The following DGKB variants were observed in gnomAD, a reference collection of about 807,000 sequenced individuals.
The protein encoded by DGKB is 90 kDa diacylglycerol kinase.
In DGKB, 67 loss-of-function variants were observed where a neutral mutation model predicts 114.3. The observed-to-expected ratio is 0.59, with a 90% CI of 0.48 to 0.72. The LOEUF (loss-of-function observed/expected upper bound fraction) is 0.72. Ranked by LOEUF, DGKB falls within the 30% of genes least tolerant of loss-of-function variation. The probability of loss-of-function intolerance (pLI) is 0.00; values close to 1 mark genes in which losing one functional copy is unlikely to be tolerated. For synonymous variants in DGKB, 398 were observed against 323.1 expected (o/e 1.23, Z -2.49); for missense variants, 907 against 975.2 (o/e 0.93, Z 0.93).
At chr7:14,729,326 G>T (rs113681380) in intron 5 of DGKB, among the ~76,000 whole-genome samples, 3 of 151,404 alleles carry the variant, frequency 2.0e-5, no homozygotes, top group Non-Finnish European at 2.9e-5. Flanking sequence ...GTTTCACCGT[G>T]TTAGCCAGGA....
chr7:14,869,013 A>C (rs1223827425), intron 1 of DGKB, among the ~76,000 whole-genome samples: 2 of 152,128 alleles, frequency 1.3e-5, no homozygotes, highest in Non-Finnish European at 2.9e-5. Flanking sequence ...AAGATAGAAC[A>C]TTTTTTCAAA....
intron 21 of DGKB, among the ~76,000 whole-genome samples, chr7:14,433,614 T>A (rs1828807484): frequency 6.6e-6 from 1 of 152,160 alleles, no homozygotes; most frequent in Non-Finnish European, 1.5e-5. Flanking sequence ...CAGTTACTGT[T>A]TTGCAGAGTA....
chr7:14,731,111 C>T (rs6946625), intron 5 of DGKB, among the ~76,000 whole-genome samples: 114,712 of 152,046 alleles, frequency 0.75, 46,144 homozygotes, highest in Non-Finnish European at 0.91. Context: ...AGTGACGCAG[C>T]GGAAGGTGGG....
chr7:14,965,236 G>A (rs2115285538), intron 1 of DGKB, among the ~76,000 whole-genome samples: 1 of 152,220 alleles, frequency 6.6e-6, no homozygotes, highest in African/African-American at 2.4e-5. Context: ...TCATTTTAAA[G>A]ACATAGATTT....
intron 2 of DGKB, among the ~76,000 whole-genome samples, chr7:14,764,463 G>A (rs1290085963): frequency 6.6e-6 from 1 of 151,722 alleles, no homozygotes; most frequent in Admixed American, 6.6e-5. Context: ...ACTCAAACCT[G>A]GATCCATATC....
rs139115332 is a variant in DGKB at position 14,854,400 on chromosome 7, C to A, written c.-187-12950G>T. On this transcript the variant is annotated intron_variant, in intron 1 of 25. Transcript: ENST00000402815. The stretch of plus-strand genomic sequence containing the variant: ...TCAGCAGTCCCCAACCTTTTTGGCA[C>A]CAGGGACCGGTTTCGTGAAAGACAA... Among the ~76,000 whole-genome samples the A allele has an allele frequency of 4.9e-3, 746 of 152,222 alleles. 7 individuals are homozygous for A. Among genetic ancestry groups the A allele is most frequent in the African/African-American group, 0.017 (705 of 41,528 alleles).
chr7:14,584,171 C>T (rs975239325), intron 17 of DGKB, among the ~76,000 whole-genome samples: 2 of 152,104 alleles, frequency 1.3e-5, no homozygotes, highest in East Asian at 3.9e-4. Context: ...TCATGTGTTG[C>T]ATTCTGTCAG....
intron 23 of DGKB, chr7:14,269,153 G>T (rs188641868): frequency 6.6e-6 from 1 of 152,358 alleles, no homozygotes; most frequent in African/African-American, 2.4e-5. Flanking sequence ...CTTTTCTGTG[G>T]AGCTGCTTGA....
intron 25 of DGKB, 51 bp from the exon 26 acceptor site, chr7:14,149,289 T>C (rs1275155652): frequency 2.2e-6 from 3 of 1,351,462 alleles, no homozygotes; most frequent in East Asian, 2.3e-5. Context: ...AATCTCCAGA[T>C]AGATACAATA....
At chr7:14,417,985 A>G (rs73068026) in intron 21 of DGKB, among the ~76,000 whole-genome samples, 39,897 of 150,828 alleles carry the variant, frequency 0.26, 5,767 homozygotes, top group East Asian at 0.47. Flanking sequence ...AGTAAACTTG[A>G]GTTTGCTGAT....
At chr7:14,392,995 G>GTTTTGTTGTTTT (rs1554404749) in intron 21 of DGKB, among the ~76,000 whole-genome samples, 9 of 60,544 alleles carry the variant, frequency 1.5e-4, no homozygotes, top group African/African-American at 4.4e-4. Flanking sequence ...TTTTGTTTTT[G>GTTTTGTTGTTTT]TTTTTTTTTT....
chr7:14,847,992 G>C (rs148943483), intron 1 of DGKB, among the ~76,000 whole-genome samples: 1,945 of 152,282 alleles, frequency 0.013, 36 homozygotes, highest in Non-Finnish European at 0.014. Context: ...GAGATTATTA[G>C]AGGCCATGTT....
intron 20 of DGKB, among the ~76,000 whole-genome samples, chr7:14,495,146 T>C (rs1436800437): frequency 6.6e-6 from 1 of 151,880 alleles, no homozygotes; most frequent in Non-Finnish European, 1.5e-5. Context: ...CACCACTGAA[T>C]TCAGAGACAA....
chr7:14,216,528 C>T (rs1444553666), intron 23 of DGKB, among the ~76,000 whole-genome samples: 1 of 151,862 alleles, frequency 6.6e-6, no homozygotes. Context: ...GAGTTCGAAA[C>T]CAGCCTGGCC....
chr7:14,187,124 A>C (rs1299239662), intron 23 of DGKB, among the ~76,000 whole-genome samples: 1 of 152,248 alleles, frequency 6.6e-6, no homozygotes, highest in African/African-American at 2.4e-5. Context: ...CAGTCCTACC[A>C]ATAAATCATT....
At chr7:14,472,359 C>A (rs1467716717) in intron 21 of DGKB, among the ~76,000 whole-genome samples, 3 of 152,192 alleles carry the variant, frequency 2.0e-5, no homozygotes, top group Non-Finnish European at 4.4e-5. Context: ...AGCTAGCTCT[C>A]TCATTGCCTG....
At chr7:14,177,901 A>G (rs1441895203) in intron 24 of DGKB, 130 bp downstream of exon 24, 1 of 921,634 alleles carries the variant, frequency 1.1e-6, no homozygotes, top group African/African-American at 1.7e-5. Context: ...ATTTTGAAAT[A>G]TATTAGTATT....
At chr7:14,967,817 G>A (rs1011322749) in intron 1 of DGKB, among the ~76,000 whole-genome samples, 3 of 151,992 alleles carry the variant, frequency 2.0e-5, no homozygotes, top group East Asian at 1.9e-4. Context: ...AGTAACTTAT[G>A]TAAGACTAAT....
chr7:14,581,516 C>A (rs1799927621), intron 18 of DGKB, among the ~76,000 whole-genome samples: 1 of 152,202 alleles, frequency 6.6e-6, no homozygotes, highest in Non-Finnish European at 1.5e-5. Flanking sequence ...ACAACGAGAT[C>A]AGCAGGTTTT....
Sources: allele counts gnomAD v4.1 joint callset (sites outside exome capture counted in the v4.1 genomes callset), GRCh38; gene constraint gnomAD v4.1.1; transcripts MANE v1.5; gene names NCBI Gene and HGNC (gene_info 2026-07-23, HGNC 2026-07-21).